The following ATP2B2 variants were observed in gnomAD, a reference collection of about 807,000 sequenced individuals.
ATP2B2 encodes the protein plasma membrane calcium-transporting ATPase 2.
ATP2B2 carries 15 observed loss-of-function variants against 120.0 expected under a neutral mutation model. The ratio of observed to expected loss-of-function variants is 0.12; its 90% confidence interval spans 0.08 to 0.19. The LOEUF (loss-of-function observed/expected upper bound fraction) is 0.19. ATP2B2 is among the 10% of genes least tolerant of loss of function. The probability of loss-of-function intolerance (pLI) is 1.00; values close to 1 mark genes in which losing one functional copy is unlikely to be tolerated. For synonymous variants in ATP2B2, 694 were observed against 700.3 expected, an observed-to-expected ratio of 0.99 and a Z score of 0.14; for missense variants, 1,045 against 1,719.8, an observed-to-expected ratio of 0.61 and a Z score of 6.94.
In ATP2B2 at chr3:10,635,848, T is replaced by C. The variant is rs563498175; in HGVS notation, c.-459-15887A>G. Among the ~76,000 whole-genome samples the C allele has an allele frequency of 1.3e-5, 2 of 152,240 alleles. No individual in the cohort carries two copies. The highest frequency in any genetic ancestry group is 2.9e-5 in the Non-Finnish European group (2 of 68,040). ...CTCCCTGGCCTTAGCTCAAAGAGAT[T>C]CCTGCTGGCAAGGGAGGCTGCAGTG... On this transcript the variant is annotated intron_variant, in intron 1 of 21. Transcript: ENST00000646379. This position sits in a 1 kb window ranked among gnomAD's most constrained non-coding sequence, Gnocchi z 4.3.
intron 1 of ATP2B2, among the ~76,000 whole-genome samples, chr3:10,671,863 AC>A (rs1042422141): frequency 2.0e-5 from 3 of 152,178 alleles, no homozygotes; most frequent in Admixed American, 6.5e-5. Flanking sequence ...AGGAGTCTGT[AC>A]CCCGTAGGAA....
intron 12 of ATP2B2, among the ~76,000 whole-genome samples, chr3:10,360,730 C>T (rs1053785327): frequency 1.2e-4 from 18 of 152,172 alleles, no homozygotes; most frequent in South Asian, 1.0e-3. Context: ...GAGATGCTGA[C>T]GCAAGGAAGC....
intron 16 of ATP2B2, among the ~76,000 whole-genome samples, chr3:10,349,881 C>A (rs1015921626): frequency 6.6e-6 from 1 of 152,212 alleles, no homozygotes; most frequent in East Asian, 1.9e-4. Context: ...AGGTCCATTG[C>A]TTCCTAGGGG....
At chr3:10,639,497 T>TA (rs995370924) in intron 1 of ATP2B2, among the ~76,000 whole-genome samples, 2 of 152,156 alleles carry the variant, frequency 1.3e-5, no homozygotes, top group Non-Finnish European at 2.9e-5. Context: ...GAGTCTCTTT[T>TA]ATAGAATCAC....
In ATP2B2 at chr3:10,358,902, G is replaced by A. The variant is rs753859888; in HGVS notation, c.1925C>T (p.Ala642Val). The change falls in exon 14 of 23, where the codon GCG (alanine) becomes GTG (valine). Residue 642 changes from alanine to valine, a missense_variant. By Grantham distance (64) the Ala-to-Val change is moderately conservative (BLOSUM62 0). Around this residue, in one of 11 missense-constraint regions of ATP2B2, gnomAD observed 343 missense variants for 536.8 expected, o/e 0.64. Transcript: ENST00000360273. ...LKKCCKILNG[A>V]GEPRVFRPRD... is the part of the protein sequence containing the mutation. ...GGGCCGGAAGACACGAGGCTCTCCCGCCCCATTGAGGATTTTGCAGCACCT... is the reference window on the plus strand; with the variant it reads ...GGGCCGGAAGACACGAGGCTCTCCCACCCCATTGAGGATTTTGCAGCACCT... 16 of 1,613,700 alleles carry A rather than the reference G, an allele frequency of 9.9e-6. No homozygotes were observed. Among genetic ancestry groups the A allele is most frequent in the Middle Eastern group, 1.6e-4 (1 of 6,082 alleles).
chr3:10,427,040 G>A (rs2063167812), intron 2 of ATP2B2, among the ~76,000 whole-genome samples: 1 of 152,180 alleles, frequency 6.6e-6, no homozygotes, highest in African/African-American at 2.4e-5. Flanking sequence ...GGTTCAAATT[G>A]CAGATGAGGA....
intron 2 of ATP2B2, among the ~76,000 whole-genome samples, chr3:10,427,124 GA>G (rs1170719191): frequency 6.6e-6 from 1 of 152,178 alleles, no homozygotes; most frequent in African/African-American, 2.4e-5. Context: ...GTGGGTTAAG[GA>G]AATAGGGATA....
intron 1 of ATP2B2, among the ~76,000 whole-genome samples, chr3:10,666,895 C>T (rs2070954406): frequency 6.6e-6 from 1 of 152,230 alleles, no homozygotes; most frequent in African/African-American, 2.4e-5. Flanking sequence ...GCCCCCACGA[C>T]TCTCTGAGTT....
At chr3:10,405,590 C>CATGATAAGCG (rs1281983656) in intron 3 of ATP2B2, among the ~76,000 whole-genome samples, 1 of 152,098 alleles carries the variant, frequency 6.6e-6, no homozygotes, top group Non-Finnish European at 1.5e-5. Flanking sequence ...TCTGGGGCTC[C>CATGATAAGCG]CTTGGACTGG....
In ATP2B2 at chr3:10,425,442, A is replaced by T. The variant is rs547668657; in HGVS notation, c.200-14627T>A. Among the ~76,000 whole-genome samples the T allele has an allele frequency of 2.0e-5, 3 of 152,316 alleles. No individual in the cohort carries two copies. In the East Asian group the frequency reaches 5.8e-4, roughly 29 times the overall value. On this transcript the variant is annotated intron_variant, in intron 2 of 22. Transcript: ENST00000360273. ...TTTGGATGAAGTGGATTTGGGGACA[A>T]ACATTCCTGGGTTAAAATCTCAGCT...
At chr3:10,450,063 C>T (rs989132103) in intron 1 of ATP2B2, among the ~76,000 whole-genome samples, 1 of 152,162 alleles carries the variant, frequency 6.6e-6, no homozygotes, top group Non-Finnish European at 1.5e-5. Context: ...ACCCTCAAGG[C>T]ATAGCCCCAT....
chr3:10,402,794 T>TCA lies in ATP2B2; in HGVS notation c.398-447_398-446insTG, dbSNP rs2062267631. On this transcript the variant is annotated intron_variant, in intron 3 of 22. Transcript: ENST00000360273. The surrounding 1 kb of genome is among the most constrained non-coding windows in gnomAD (Gnocchi z 4.9). ...TATCTCGGGGACCTATTGTCAGAGT[T>TCA]GAAATTTAATGTGGTAAAGTTCACA... Among the ~76,000 whole-genome samples the TCA allele has an allele frequency of 1.3e-5, 2 of 152,228 alleles. No homozygotes were observed. Among genetic ancestry groups the TCA allele is most frequent in the African/African-American group, 2.4e-5 (1 of 41,502 alleles).
Position 10,683,758 on chromosome 3 carries a change from GTGTA to G in ATP2B2, c.-460+24153_-460+24156del, listed in dbSNP as rs1220751372. Among the ~76,000 whole-genome samples the G allele has an allele frequency of 2.7e-4, 9 of 33,640 alleles. No individual in the cohort carries two copies. The South Asian group carries it at 0.011, about 39-fold the overall frequency. The allele number at this position is 33,640 out of a possible 152,430, so 22.1% of individuals were successfully genotyped here. A position where few individuals can be genotyped will look rare whatever the true frequency, so the allele number is the denominator to read the frequency against. ...TATATGTGTATATATATGTGTGTGT[GTGTA>G]TATATATATATATATATATATATAT... is the stretch of plus-strand genomic sequence containing the variant. On this transcript the variant is annotated intron_variant, in intron 1 of 21. Coordinates refer to the ATP2B2 transcript ENST00000646379.
rs190078612 is a variant in ATP2B2 at position 10,530,119 on chromosome 3, G to A, written c.-320+3920C>T. ...AATACAGATGACAGACTCTCTTTTC[G>A]CAGTGCTCAGGTGGCTGAGAGCGAC... On this transcript the variant is annotated intron_variant, in intron 3 of 21. Transcript: ENST00000646379. Among the ~76,000 whole-genome samples the A allele has an allele frequency of 8.0e-4, 122 of 152,206 alleles. 1 individual carries two copies. Among genetic ancestry groups the A allele is most frequent in the Admixed American group, 1.4e-3 (21 of 15,296 alleles).
At chr3:10,670,294 T>C (rs998852078) in intron 1 of ATP2B2, among the ~76,000 whole-genome samples, 16 of 152,150 alleles carry the variant, frequency 1.1e-4, no homozygotes, top group African/African-American at 2.9e-4. Context: ...ATGACCAAGA[T>C]GGTAGTTTGA....
chr3:10,518,618 C>G (rs559346890), intron 3 of ATP2B2, among the ~76,000 whole-genome samples: 2 of 152,350 alleles, frequency 1.3e-5, no homozygotes, highest in South Asian at 4.1e-4. Flanking sequence ...AGCCAAGCGC[C>G]GCTGCGGCCG....
intron 1 of ATP2B2, among the ~76,000 whole-genome samples, chr3:10,663,104 A>AG (rs1162549668): frequency 1.9e-5 from 1 of 52,044 alleles, no homozygotes; most frequent in Non-Finnish European, 3.6e-5. Context: ...GGGTGGGGGG[A>AG]GGGGGGAGGG....
chr3:10,333,395 C>T (rs1364618368), intron 22 of ATP2B2, among the ~76,000 whole-genome samples: 1 of 152,182 alleles, frequency 6.6e-6, no homozygotes, highest in African/African-American at 2.4e-5. Flanking sequence ...CCTTCTGTCA[C>T]TTCCTGGCCA....
chr3:10,488,682 C>G (rs2065821790), intron 1 of ATP2B2, among the ~76,000 whole-genome samples: 1 of 152,152 alleles, frequency 6.6e-6, no homozygotes, highest in African/African-American at 2.4e-5. Context: ...TTAAATACCT[C>G]CTTGCAAATC....
Sources: allele counts gnomAD v4.1 joint callset (sites outside exome capture counted in the v4.1 genomes callset), GRCh38; gene constraint gnomAD v4.1.1; regional missense constraint gnomAD v4.1.1; non-coding constraint Gnocchi (gnomAD v3.1); transcripts MANE v1.5; gene names NCBI Gene and HGNC (gene_info 2026-07-23, HGNC 2026-07-21).